The following CWH43 variants were observed in gnomAD, a reference collection of about 807,000 sequenced individuals.
CWH43 encodes cell wall biogenesis 43 C-terminal homolog, also known as PGAP2-interacting protein.
A neutral mutation model predicts 85.7 loss-of-function variants in CWH43; 91 were observed. That is an observed-to-expected ratio of 1.06 (90% CI 0.90 to 1.26). The LOEUF (loss-of-function observed/expected upper bound fraction) is 1.26, where lower values mean the gene tolerates loss of function less well. Among genes scored for constraint, CWH43 ranks in the 50% most tolerant of loss-of-function variants. CWH43 has a pLI of 0.00. For synonymous variants in CWH43, 323 were observed against 293.6 expected (o/e 1.10, Z -1.02); for missense variants, 869 against 839.2 (o/e 1.04, Z -0.44).
At chr4:49,051,932 T>C (rs1166992904) in intron 15 of CWH43, among the ~76,000 whole-genome samples, 3 of 152,206 alleles carry the variant, frequency 2.0e-5, no homozygotes, top group Non-Finnish European at 4.4e-5. Flanking sequence ...AGTTGGAGTA[T>C]GTGCTCTTTT....
At chr4:49,055,323 A>G (rs1358194543) in intron 15 of CWH43, among the ~76,000 whole-genome samples, 2 of 152,116 alleles carry the variant, frequency 1.3e-5, no homozygotes, top group Non-Finnish European at 2.9e-5. Flanking sequence ...ATTTGCATAT[A>G]TTTAACTATC....
In CWH43 at chr4:49,007,215, A is replaced by G. The variant is rs1279037756; in HGVS notation, c.1075A>G (p.Ile359Val). The G allele has an allele frequency of 6.2e-7, 1 of 1,610,030 alleles. No homozygotes were observed. The highest frequency in any genetic ancestry group is 1.7e-5 in the Admixed American group (1 of 59,556). The change falls in exon 8 of 16, where the codon ATT becomes GTT. Residue 359 changes from isoleucine (I) to valine (V), a missense_variant. By Grantham distance (29) the Ile-to-Val change is conservative. Transcript: ENST00000226432. ...SDVLLGTMML[I>V]IGLNMLFGPK... ...TCTTATAACAGGGACAATGATGTTA[A>G]TTATCGGGCTGAATATGCTATTTGG...
intron 13 of CWH43, among the ~76,000 whole-genome samples, chr4:49,042,829 G>T (rs191876798): frequency 1.5e-3 from 224 of 152,320 alleles, no homozygotes; most frequent in Non-Finnish European, 2.0e-3. Context: ...GACTGTATCA[G>T]TTATTTATCA....
In CWH43 at chr4:48,986,375, G is replaced by A; in HGVS notation, c.-55G>A. ...GGGAACCTGGGGGCGCAGGGCTAGG[G>A]CAGCGGGCCCGACCCGCACGGCTTT... On this transcript the variant is annotated 5_prime_UTR_variant, in exon 1 of 16. Coordinates refer to ENST00000226432, the MANE Select transcript of CWH43 (RefSeq NM_025087.3). 4.0e-6 allele frequency: 6 copies of A among 1,517,598 alleles called. No individual in the cohort carries two copies. The highest frequency in any genetic ancestry group is 5.3e-6 in the Non-Finnish European group (6 of 1,121,740). The allele number at this position is 1,517,598 out of a possible 1,614,324, so 94.0% of individuals were successfully genotyped here. A position where few individuals can be genotyped will look rare whatever the true frequency, so the allele number is the denominator to read the frequency against.
At chr4:49,039,366 G>T (rs1183109147) in intron 13 of CWH43, among the ~76,000 whole-genome samples, 4 of 54,204 alleles carry the variant, frequency 7.4e-5, no homozygotes, top group Admixed American at 2.4e-4. Flanking sequence ...TATATATACT[G>T]ATGTATATAT....
chr4:49,056,442 C>A lies in CWH43; in HGVS notation c.2022-5370C>A, dbSNP rs961043347. 4.6e-5 allele frequency among the ~76,000 whole-genome samples: 7 copies of A among 152,072 alleles called. 1 individual carries two copies. The highest frequency in any genetic ancestry group is 6.8e-3 in the Middle Eastern group (2 of 292). Reference sequence around the variant, plus strand: ...GGTCCATTTCTTTCTTTTAGGCTATCCAATTTTTTGGCATATTATTGCTCA... The same window carrying A: ...GGTCCATTTCTTTCTTTTAGGCTATACAATTTTTTGGCATATTATTGCTCA... On this transcript the variant is annotated intron_variant, in intron 15 of 15. Coordinates refer to ENST00000226432, the MANE Select transcript of CWH43 (RefSeq NM_025087.3).
chr4:49,053,110 C>T (rs1230892334), intron 15 of CWH43, among the ~76,000 whole-genome samples: 1 of 152,128 alleles, frequency 6.6e-6, no homozygotes, highest in African/African-American at 2.4e-5. Flanking sequence ...TTGCAAATGA[C>T]AAGATTTCCT....
intron 13 of CWH43, among the ~76,000 whole-genome samples, chr4:49,041,783 A>T (rs560753579): frequency 2.6e-5 from 4 of 152,158 alleles, no homozygotes; most frequent in Non-Finnish European, 5.9e-5. Context: ...AGTTAGCAGG[A>T]TAGAGGAAGG....
intron 15 of CWH43, among the ~76,000 whole-genome samples, chr4:49,051,505 G>T (rs2768957): frequency 6.6e-6 from 1 of 152,078 alleles, no homozygotes; most frequent in Non-Finnish European, 1.5e-5. Flanking sequence ...TTATTCTAAT[G>T]TGCAGTTAGG....
chr4:49,007,153 G>A (rs1783184669), intron 7 of CWH43, 48 bp from the exon 8 acceptor site: 14 of 1,551,526 alleles, frequency 9.0e-6, no homozygotes, highest in Non-Finnish European at 1.1e-5. Flanking sequence ...AACATTGGAA[G>A]GATTTTTGGA....
chr4:49,057,237 A>G (rs1784997006), intron 15 of CWH43, among the ~76,000 whole-genome samples: 1 of 152,210 alleles, frequency 6.6e-6, no homozygotes, highest in African/African-American at 2.4e-5. Context: ...GCTTGGTTTT[A>G]TATATTTTAG....
chr4:49,011,604 G>T (rs373711096), intron 8 of CWH43, among the ~76,000 whole-genome samples: 4 of 152,128 alleles, frequency 2.6e-5, no homozygotes, highest in African/African-American at 9.6e-5. Flanking sequence ...ACTGGTTGGC[G>T]TGTTTTTGCA....
intron 2 of CWH43, 151 bp from the exon 3 acceptor site, chr4:48,991,303 A>T (rs963469199): frequency 1.4e-6 from 1 of 723,490 alleles, no homozygotes; most frequent in African/African-American, 1.8e-5. Context: ...ATTGTATTTC[A>T]ATAAAAATTT....
At chr4:48,986,821 A>G (rs1782510929) in intron 1 of CWH43, 3 of 1,146,262 alleles carry the variant, frequency 2.6e-6, no homozygotes, top group Non-Finnish European at 3.2e-6. Context: ...GTGGCCTTTA[A>G]GTTTAACTTA....
chr4:49,061,724 T>C, intron 15 of CWH43, 88 bp from the exon 16 acceptor site: 1 of 1,093,154 alleles, frequency 9.1e-7, no homozygotes, highest in Middle Eastern at 3.7e-4. Context: ...TGCTATTTTA[T>C]TTTATGATTG....
Position 48,991,790 on chromosome 4 carries a change from T to C in CWH43, c.357-146T>C, listed in dbSNP as rs540050101. 3.6e-6 allele frequency: 3 copies of C among 844,470 alleles called. No homozygotes were observed. The South Asian group carries it at 5.6e-5, about 16-fold the overall frequency. 52.3% of individuals were successfully genotyped at this position (844,470 alleles called of 1,614,324 possible). On this transcript the variant is annotated intron_variant, in intron 3 of 15. Coordinates refer to ENST00000226432, the MANE Select transcript of CWH43 (RefSeq NM_025087.3). ...AAGAATTATAGCAAGTTGCTGAAGTTGCTATATAGAGGCTAAATCACATTC... is the reference window on the plus strand; with the variant it reads ...AAGAATTATAGCAAGTTGCTGAAGTCGCTATATAGAGGCTAAATCACATTC...
At chr4:49,024,360 G>T (rs1354572984) in intron 9 of CWH43, among the ~76,000 whole-genome samples, 26 of 152,116 alleles carry the variant, frequency 1.7e-4, no homozygotes, top group Non-Finnish European at 1.5e-5. Flanking sequence ...GTATTGAGAC[G>T]TGAGGTACTA....
chr4:49,050,675 AT>A lies in CWH43; in HGVS notation c.1866-16del, dbSNP rs776591108. ...TACAATAATAAAACTGTTACAAACC[AT>A]TTCTGTTTCTGCTACAGGTTGGGTT... On this transcript the variant is annotated intron_variant, in intron 14 of 15. Coordinates refer to ENST00000226432, the MANE Select transcript of CWH43 (RefSeq NM_025087.3). The A allele has an allele frequency of 5.0e-6, 8 of 1,599,902 alleles. No individual in the cohort carries two copies. In the East Asian group the frequency reaches 1.8e-4, roughly 36 times the overall value.
At chr4:49,020,414 C>CAT (rs1187127418) in intron 9 of CWH43, among the ~76,000 whole-genome samples, 8 of 57,682 alleles carry the variant, frequency 1.4e-4, no homozygotes, top group South Asian at 1.0e-3. Flanking sequence ...CACACACACA[C>CAT]ACATATATAT....
Sources: gnomAD v4.1 joint callset for allele counts (sites outside exome capture counted in the v4.1 genomes callset) on GRCh38, gnomAD v4.1.1 for gene constraint, MANE v1.5 for transcripts, NCBI Gene and HGNC (gene_info 2026-07-23, HGNC 2026-07-21) for gene names.